Variants in PDCL2 observed in about 807,000 individuals in gnomAD.
The protein encoded by PDCL2 is phosducin-like protein 2.
In PDCL2, 23 loss-of-function variants were observed where a neutral mutation model predicts 30.3. The observed-to-expected ratio is 0.76, with a 90% CI of 0.55 to 1.08. The LOEUF (loss-of-function observed/expected upper bound fraction) is 1.08, where lower values mean the gene tolerates loss of function less well. Among genes scored for constraint, PDCL2 ranks in the 50% least tolerant of loss-of-function variants. The pLI, the probability that PDCL2 is intolerant of heterozygous loss-of-function variation, is 0.00. For synonymous variants in PDCL2, 68 were observed against 86.2 expected (o/e 0.79, Z 1.17); for missense variants, 243 against 282.3 (o/e 0.86, Z 1.00).
intron 1 of PDCL2, among the ~76,000 whole-genome samples, chr4:55,585,768 T>C (rs1318815083): frequency 2.0e-5 from 3 of 152,216 alleles, no homozygotes; most frequent in Non-Finnish European, 4.4e-5. Context: ...TGATCCACTG[T>C]TGGTAGGCTA....
intron 4 of PDCL2, among the ~76,000 whole-genome samples, chr4:55,567,653 T>G (rs1281084423): frequency 2.6e-5 from 4 of 152,230 alleles, no homozygotes; most frequent in Non-Finnish European, 5.9e-5. Flanking sequence ...CTTCAGACAC[T>G]GTAACTTTTA....
At chr4:55,572,853 G>C (rs971298303) in intron 3 of PDCL2, among the ~76,000 whole-genome samples, 1 of 151,908 alleles carries the variant, frequency 6.6e-6, no homozygotes, top group East Asian at 1.9e-4. Context: ...TCCGCCTCCC[G>C]GGTTCACGCC....
At chr4:55,562,381 A>G in intron 5 of PDCL2, 23 bp downstream of exon 5, 1 of 1,370,442 alleles carries the variant, frequency 7.3e-7, no homozygotes, top group African/African-American at 1.5e-5. Context: ...TATCATTTTT[A>G]TAAACAAAAT....
intron 3 of PDCL2, among the ~76,000 whole-genome samples, chr4:55,578,233 A>T (rs1192849977): frequency 6.6e-6 from 1 of 152,220 alleles, no homozygotes; most frequent in Non-Finnish European, 1.5e-5. Context: ...CTGTCCCTGT[A>T]CATCCATGTT....
intron 4 of PDCL2, among the ~76,000 whole-genome samples, chr4:55,568,523 C>T (rs998289004): frequency 1.3e-4 from 20 of 152,034 alleles, no homozygotes; most frequent in Non-Finnish European, 2.1e-4. Context: ...TTAAGTCAGT[C>T]GGGAAAATCT....
intron 3 of PDCL2, among the ~76,000 whole-genome samples, chr4:55,578,568 T>C (rs1032819024): frequency 6.6e-6 from 1 of 152,072 alleles, no homozygotes; most frequent in Non-Finnish European, 1.5e-5. Context: ...TTCTGCTATT[T>C]TCCCTGATGT....
At chr4:55,589,119 A>G (rs1305660309) in intron 1 of PDCL2, among the ~76,000 whole-genome samples, 4 of 152,212 alleles carry the variant, frequency 2.6e-5, no homozygotes, top group Non-Finnish European at 5.9e-5. Flanking sequence ...TCGGCCTCCC[A>G]AAGTGCTGGT....
intron 4 of PDCL2, among the ~76,000 whole-genome samples, chr4:55,566,515 C>T (rs1338673788): frequency 2.4e-4 from 36 of 150,732 alleles, no homozygotes; most frequent in East Asian, 9.7e-4. Context: ...CTCCGCCTCC[C>T]GGGTTCAAGC....
chr4:55,581,573 C>A (rs368668569), intron 2 of PDCL2, among the ~76,000 whole-genome samples: 8 of 152,270 alleles, frequency 5.3e-5, no homozygotes, highest in African/African-American at 1.9e-4. Context: ...GAAGAAAGCT[C>A]ACTTGGTTAC....
At chr4:55,571,686 CAA>C (rs761336707) in intron 3 of PDCL2, among the ~76,000 whole-genome samples, 1 of 36,872 alleles carries the variant, frequency 2.7e-5, no homozygotes, top group Non-Finnish European at 4.6e-5. Flanking sequence ...GACTCCATCT[CAA>C]AAAAAAAAAA....
chr4:55,588,164 C>T (rs747720390), intron 1 of PDCL2, among the ~76,000 whole-genome samples: 1 of 152,182 alleles, frequency 6.6e-6, no homozygotes, highest in African/African-American at 2.4e-5. Context: ...GGCAAACCTG[C>T]CTCCCATTTT....
At chr4:55,579,977 A>G (rs1292231326) in intron 3 of PDCL2, among the ~76,000 whole-genome samples, 1 of 151,998 alleles carries the variant, frequency 6.6e-6, no homozygotes, top group African/African-American at 2.4e-5. Context: ...CCTCCAGAGT[A>G]GCTGGGATTA....
At chr4:55,571,601 C>G (rs190937177) in intron 3 of PDCL2, among the ~76,000 whole-genome samples, 690 of 29,888 alleles carry the variant, frequency 0.023, 23 homozygotes, top group Middle Eastern at 0.065. Flanking sequence ...GCAGGAGAAT[C>G]ACTTGAACCC....
intron 1 of PDCL2, among the ~76,000 whole-genome samples, chr4:55,590,963 T>C (rs773164906): frequency 1.3e-5 from 2 of 152,212 alleles, no homozygotes; most frequent in African/African-American, 4.8e-5. Flanking sequence ...GGCTGTTGAA[T>C]TAATCAGTAA....
At chr4:55,570,635 G>T (rs1220309512) in intron 3 of PDCL2, among the ~76,000 whole-genome samples, 4 of 149,226 alleles carry the variant, frequency 2.7e-5, no homozygotes, top group African/African-American at 9.7e-5. Flanking sequence ...TCTTAGCAGG[G>T]TGCCTGACAC....
chr4:55,557,501 G>C (rs577912008), intron 5 of PDCL2, among the ~76,000 whole-genome samples: 34 of 152,150 alleles, frequency 2.2e-4, no homozygotes, highest in African/African-American at 7.7e-4. Flanking sequence ...CTGCAATAAT[G>C]ACATTAATCC....
At chr4:55,575,501 A>T (rs956849789) in intron 3 of PDCL2, among the ~76,000 whole-genome samples, 3 of 152,270 alleles carry the variant, frequency 2.0e-5, no homozygotes, top group Non-Finnish European at 4.4e-5. Flanking sequence ...GGATATTTTA[A>T]GAAATAATGG....
intron 5 of PDCL2, among the ~76,000 whole-genome samples, chr4:55,557,074 G>C (rs1408521366): frequency 1.3e-5 from 2 of 152,200 alleles, no homozygotes; most frequent in Non-Finnish European, 1.5e-5. Context: ...CTGACCTCAA[G>C]TGATCCCCCT....
rs184817257 is a variant in PDCL2, at chr4:55,579,923, C to T, written c.218+898G>A. ...GTGCAATGGCGCAATCTTGGCTCAC[C>T]ACAACCTCTGCCCCACCGGGTTCAA... is the stretch of plus-strand genomic sequence containing the variant. On this transcript the variant is annotated intron_variant, in intron 3 of 5. Coordinates refer to ENST00000295645, the MANE Select transcript of PDCL2 (RefSeq NM_152401.3). Among the ~76,000 whole-genome samples, 13 of 151,824 alleles carry T rather than the reference C, an allele frequency of 8.6e-5. 1 individual carries two copies. The highest frequency in any genetic ancestry group is 2.0e-4 in the Admixed American group (3 of 15,224).
Sources: allele counts gnomAD v4.1 joint callset (sites outside exome capture counted in the v4.1 genomes callset), GRCh38; gene constraint gnomAD v4.1.1; transcripts MANE v1.5; gene names NCBI Gene and HGNC (gene_info 2026-07-23, HGNC 2026-07-21).